The following RNF180 variants were observed in gnomAD, a reference collection of about 807,000 sequenced individuals.
The protein encoded by RNF180 is ring finger protein 180.
A neutral mutation model predicts 59.2 loss-of-function variants in RNF180; 38 were observed. That is an observed-to-expected ratio of 0.64 (90% confidence interval 0.50 to 0.84). RNF180 has a LOEUF of 0.84. RNF180 is among the 40% of genes least tolerant of loss of function. The probability of loss-of-function intolerance (pLI) is 0.00; values close to 1 mark genes in which losing one functional copy is unlikely to be tolerated. For synonymous variants in RNF180, 262 were observed against 240.3 expected (o/e 1.09, Z -0.84); for missense variants, 705 against 700.9 (o/e 1.01, Z -0.07).
rs184731804 is a variant in RNF180 at position 64,259,933 on chromosome 5, C to A, written c.1227+42537C>A. ...CAAAACTCCGTCTCAACAACAACAA[C>A]AAAAAAATTAAAAAAATTCAAACCC... is the stretch of plus-strand genomic sequence containing the variant. On this transcript the variant is annotated intron_variant, in intron 5 of 7. Transcript: ENST00000389100. 3.1e-3 allele frequency among the ~76,000 whole-genome samples: 476 copies of A among 151,932 alleles called. 13 individuals are homozygous for A. Among genetic ancestry groups the A allele is most frequent in the Admixed American group, 0.027 (410 of 15,232 alleles).
intron 1 of RNF180, among the ~76,000 whole-genome samples, chr5:64,187,291 A>G (rs1439536485): frequency 6.6e-6 from 1 of 152,164 alleles, no homozygotes; most frequent in Non-Finnish European, 1.5e-5. Context: ...AATTCATACT[A>G]CTTTTTGTCA....
chr5:64,312,331 A>G (rs749055393), intron 5 of RNF180, among the ~76,000 whole-genome samples: 1 of 152,110 alleles, frequency 6.6e-6, no homozygotes, highest in Non-Finnish European at 1.5e-5. Flanking sequence ...CCTCCGTTTC[A>G]TGGTTTCTTA....
rs1333076096 is a variant in RNF180, at chr5:64,320,915, G to A, written c.1228-4271G>A. On this transcript the variant is annotated intron_variant, in intron 5 of 7. Coordinates refer to ENST00000389100, the MANE Select transcript of RNF180 (RefSeq NM_001113561.2). ...TAGCCGGGCGAGGTGGCGGGCACCTGTAGTCCCAGCCACTCGGGAGGCTGA... is the reference window on the plus strand; with the variant it reads ...TAGCCGGGCGAGGTGGCGGGCACCTATAGTCCCAGCCACTCGGGAGGCTGA... 2.6e-5 allele frequency among the ~76,000 whole-genome samples: 4 copies of A among 152,218 alleles called. No homozygotes were observed. In the East Asian group the frequency reaches 7.8e-4, roughly 30 times the overall value.
At chr5:64,207,998 ATAT>A (rs1357405461) in intron 2 of RNF180, among the ~76,000 whole-genome samples, 3 of 152,094 alleles carry the variant, frequency 2.0e-5, no homozygotes, top group East Asian at 3.9e-4. Flanking sequence ...TTATGTAATA[ATAT>A]TATCAACTTT....
intron 5 of RNF180, among the ~76,000 whole-genome samples, chr5:64,235,256 C>T (rs1742365239): frequency 6.6e-6 from 1 of 152,190 alleles, no homozygotes; most frequent in Non-Finnish European, 1.5e-5. Flanking sequence ...GCACTCCAGC[C>T]TGAGCAACTG....
chr5:64,212,244 A>T, intron 3 of RNF180, 84 bp downstream of exon 3: 1 of 809,742 alleles, frequency 1.2e-6, no homozygotes, highest in Non-Finnish European at 2.1e-6. Flanking sequence ...TTTTTCTTAG[A>T]TGCATTCCTT....
upstream of RNF180, chr5:64,165,698 G>T (rs2111830327): frequency 6.6e-6 from 1 of 152,278 alleles, no homozygotes; most frequent in African/African-American, 2.4e-5. Flanking sequence ...GGCTCGGGTG[G>T]GAACCCGCAG....
At chr5:64,235,997 T>C (rs1234393407) in intron 5 of RNF180, among the ~76,000 whole-genome samples, 1 of 152,182 alleles carries the variant, frequency 6.6e-6, no homozygotes, top group Non-Finnish European at 1.5e-5. Context: ...ATACAGAGAA[T>C]TGGTACGAGC....
intron 5 of RNF180, among the ~76,000 whole-genome samples, chr5:64,290,514 TC>T (rs1278565844): frequency 6.6e-6 from 1 of 152,216 alleles, no homozygotes; most frequent in Non-Finnish European, 1.5e-5. Flanking sequence ...GAAGTCTAAG[TC>T]CCTTTGTAGG....
intron 5 of RNF180, among the ~76,000 whole-genome samples, chr5:64,219,740 C>G (rs1310636174): frequency 6.6e-6 from 1 of 151,724 alleles, no homozygotes; most frequent in Non-Finnish European, 1.5e-5. Flanking sequence ...AGAATGGTCT[C>G]TATCTCCTGA....
rs115839241 is a variant in RNF180, at chr5:64,216,936, A to G, written c.1192-425A>G. Among the ~76,000 whole-genome samples, 21 of 152,314 alleles carry G rather than the reference A, an allele frequency of 1.4e-4. 1 individual carries two copies. The highest frequency in any genetic ancestry group is 5.1e-4 in the African/African-American group (21 of 41,580). On this transcript the variant is annotated intron_variant, in intron 4 of 7. Transcript: ENST00000389100. ...TTATATAATGACCAACACAATGGACATACAGAACATTTTGATCACTCTCAA... is the reference window on the plus strand; with the variant it reads ...TTATATAATGACCAACACAATGGACGTACAGAACATTTTGATCACTCTCAA...
intron 7 of RNF180, among the ~76,000 whole-genome samples, chr5:64,358,006 G>C (rs1256348468): frequency 1.3e-5 from 2 of 151,826 alleles, no homozygotes; most frequent in African/African-American, 4.8e-5. Context: ...CCAAGAGCTT[G>C]TTTTTCCATG....
chr5:64,314,167 A>G (rs1743922685), intron 5 of RNF180, among the ~76,000 whole-genome samples: 1 of 151,894 alleles, frequency 6.6e-6, no homozygotes, highest in African/African-American at 2.4e-5. Flanking sequence ...CAGGTGTGAA[A>G]TTTTCCACTT....
chr5:64,193,444 T>C (rs1204726773), intron 1 of RNF180, among the ~76,000 whole-genome samples: 1 of 152,098 alleles, frequency 6.6e-6, no homozygotes, highest in African/African-American at 2.4e-5. Flanking sequence ...TGTATACCAA[T>C]TGTATCTTAA....
chr5:64,246,184 A>G (rs1743149834), intron 5 of RNF180, among the ~76,000 whole-genome samples: 1 of 152,140 alleles, frequency 6.6e-6, no homozygotes, highest in South Asian at 2.1e-4. Context: ...TAAAATCGAC[A>G]CCCTAACATC....
intron 5 of RNF180, among the ~76,000 whole-genome samples, chr5:64,238,447 T>G (rs567123727): frequency 6.6e-6 from 1 of 152,346 alleles, no homozygotes; most frequent in South Asian, 2.1e-4. Context: ...CATTTTTCAT[T>G]ATCATCAACA....
intron 5 of RNF180, among the ~76,000 whole-genome samples, chr5:64,262,401 G>A (rs1744398831): frequency 6.6e-6 from 1 of 151,982 alleles, no homozygotes; most frequent in African/African-American, 2.4e-5. Flanking sequence ...ATACCAACTT[G>A]TACATTGCTC....
In RNF180 at chr5:64,200,833, C is replaced by A; in HGVS notation, c.26C>A (p.Thr9Asn). Residue 9 changes from threonine to asparagine, a missense_variant, in exon 2 of 8, where the codon ACT becomes AAT. Thr to Asn is a moderately conservative substitution (Grantham distance 65, BLOSUM62 0). Transcript: ENST00000389100. ...ATGAAAAGAAGCAAAGAATTGATAACTAAAAATCATAGTCAAGAGGAAACA... is the reference window on the plus strand; with the variant it reads ...ATGAAAAGAAGCAAAGAATTGATAAATAAAAATCATAGTCAAGAGGAAACA... MKRSKELI[T>N]KNHSQEETSI... The A allele has an allele frequency of 6.2e-7, 1 of 1,611,962 alleles. No homozygotes were observed. The highest frequency in any genetic ancestry group is 8.5e-7 in the Non-Finnish European group (1 of 1,178,418).
intron 7 of RNF180, among the ~76,000 whole-genome samples, chr5:64,336,575 T>TATTA (rs1241151047): frequency 6.6e-6 from 1 of 152,230 alleles, no homozygotes; most frequent in East Asian, 1.9e-4. Context: ...CCTAGACACC[T>TATTA]ATTATCAGTG....
Sources: allele counts gnomAD v4.1 joint callset (sites outside exome capture counted in the v4.1 genomes callset), GRCh38; gene constraint gnomAD v4.1.1; transcripts MANE v1.5; gene names NCBI Gene and HGNC (gene_info 2026-07-23, HGNC 2026-07-21).